GRID2: variants seen among roughly 807,000 people sequenced by gnomAD.
GRID2 encodes the protein glutamate ionotropic receptor delta type subunit 2.
Under a neutral mutation model 114.8 loss-of-function variants are expected in GRID2, and 33 were observed. That is an observed-to-expected ratio of 0.29 (90% CI 0.22 to 0.38). The LOEUF (loss-of-function observed/expected upper bound fraction) is 0.38. GRID2 is among the 10% of genes least tolerant of loss of function. GRID2 has a pLI of 1.00. For synonymous variants in GRID2, 505 were observed against 449.9 expected, an observed-to-expected ratio of 1.12 and a Z score of -1.55; for missense variants, 1,184 against 1,257.7, an observed-to-expected ratio of 0.94 and a Z score of 0.89.
At chr4:92,653,856 T>C (rs1732099410) in intron 2 of GRID2, among the ~76,000 whole-genome samples, 1 of 152,140 alleles carries the variant, frequency 6.6e-6, no homozygotes, top group Non-Finnish European at 1.5e-5. Context: ...TTGTGACATC[T>C]TATGTGGTCA....
intron 2 of GRID2, among the ~76,000 whole-genome samples, chr4:92,896,108 AT>A (rs1747145618): frequency 6.6e-6 from 1 of 152,238 alleles, no homozygotes; most frequent in Non-Finnish European, 1.5e-5. Flanking sequence ...CTATGTAAGT[AT>A]AATTGTGCTG....
intron 1 of GRID2, among the ~76,000 whole-genome samples, chr4:92,564,398 C>T (rs974614722): frequency 6.6e-6 from 1 of 151,974 alleles, no homozygotes; most frequent in East Asian, 1.9e-4. Flanking sequence ...AGAAGAAAGA[C>T]ATATAAGCAT....
At chr4:93,644,984 C>T (rs1294164337) in intron 14 of GRID2, among the ~76,000 whole-genome samples, 1 of 152,136 alleles carries the variant, frequency 6.6e-6, no homozygotes, top group East Asian at 1.9e-4. Flanking sequence ...AGATTTGTGT[C>T]TGTTTTATTC....
intron 2 of GRID2, among the ~76,000 whole-genome samples, chr4:92,926,648 T>G (rs1046168888): frequency 1.6e-4 from 25 of 151,962 alleles, no homozygotes; most frequent in African/African-American, 6.0e-4. Context: ...ATTTACACAA[T>G]GAATTTCATT....
At position 92,936,453 on chromosome 4, in the gene GRID2, A is replaced by T. The variant is rs1012312428; in HGVS notation, c.245-148542A>T. On this transcript the variant is annotated intron_variant, in intron 2 of 15. Transcript: ENST00000282020. Reference sequence around the variant, plus strand: ...TAAATAATTTTCTGTGGTTTTCAACATGATTTAATAAAAATATTCCTGAAA... The same window carrying T: ...TAAATAATTTTCTGTGGTTTTCAACTTGATTTAATAAAAATATTCCTGAAA... 4.8e-5 allele frequency among the ~76,000 whole-genome samples: 7 copies of T among 146,750 alleles called. 1 individual carries two copies. In the East Asian group the frequency reaches 1.5e-3, roughly 31 times the overall value.
intron 2 of GRID2, among the ~76,000 whole-genome samples, chr4:93,067,221 GT>G (rs1461074166): frequency 6.6e-6 from 1 of 152,010 alleles, no homozygotes; most frequent in East Asian, 1.9e-4. Context: ...GGTAGTACAT[GT>G]TTTTTGAGAT....
intron 2 of GRID2, among the ~76,000 whole-genome samples, chr4:93,017,882 C>CT (rs528393000): frequency 0.042 from 5,048 of 119,076 alleles, 187 homozygotes; most frequent in East Asian, 0.16. Flanking sequence ...AGACAGTAAG[C>CT]TTTTTTTTTT....
At chr4:93,501,015 G>C (rs1578137033) in intron 12 of GRID2, among the ~76,000 whole-genome samples, 2 of 151,868 alleles carry the variant, frequency 1.3e-5, no homozygotes, top group Admixed American at 1.3e-4. Flanking sequence ...ATTCTTGAGG[G>C]TTGTTTTATC....
intron 2 of GRID2, among the ~76,000 whole-genome samples, chr4:92,713,737 C>G (rs1189886294): frequency 6.6e-6 from 1 of 151,650 alleles, no homozygotes; most frequent in African/African-American, 2.4e-5. Flanking sequence ...AAAAATTCCC[C>G]TTTTATAAAA....
intron 1 of GRID2, among the ~76,000 whole-genome samples, chr4:92,450,760 T>C (rs1396435237): frequency 6.6e-6 from 1 of 151,168 alleles, no homozygotes; most frequent in African/African-American, 2.4e-5. Flanking sequence ...TCTGTGTCAA[T>C]CAAGTTTTTA....
intron 8 of GRID2, among the ~76,000 whole-genome samples, chr4:93,304,188 T>A (rs2149173405): frequency 7.1e-6 from 1 of 141,616 alleles, no homozygotes; most frequent in Admixed American, 7.5e-5. Context: ...TTTCGTAAAA[T>A]CTGAAATTTA....
chr4:93,748,439 A>G (rs1266186711), intron 14 of GRID2, among the ~76,000 whole-genome samples: 2 of 152,204 alleles, frequency 1.3e-5, no homozygotes, highest in Non-Finnish European at 2.9e-5. Flanking sequence ...CTGAAATAAT[A>G]GAATTTTGGA....
chr4:92,482,597 T>C (rs74414245), intron 1 of GRID2, among the ~76,000 whole-genome samples: 4,800 of 152,310 alleles, frequency 0.032, 94 homozygotes, highest in East Asian at 0.066. Context: ...AGTTACCCAA[T>C]TAAAATCTAC....
At chr4:93,085,699 T>G (rs547024608) in intron 3 of GRID2, among the ~76,000 whole-genome samples, 1 of 152,308 alleles carries the variant, frequency 6.6e-6, no homozygotes. Flanking sequence ...ATTATTTGGC[T>G]AAATGAAATC....
chr4:92,611,134 G>T (rs1056533097), intron 2 of GRID2, among the ~76,000 whole-genome samples: 14 of 137,118 alleles, frequency 1.0e-4, no homozygotes, highest in African/African-American at 4.5e-4. Flanking sequence ...GTGTGTGCAT[G>T]TGTGTGTGTG....
chr4:92,822,399 T>G (rs778241785), intron 2 of GRID2: 23 of 591,386 alleles, frequency 3.9e-5, no homozygotes, highest in Admixed American at 2.3e-4. Flanking sequence ...TTAGCCAGAT[T>G]CCGTACCTTG....
At chr4:93,722,167 C>T (rs1729435812) in intron 14 of GRID2, among the ~76,000 whole-genome samples, 1 of 152,058 alleles carries the variant, frequency 6.6e-6, no homozygotes, top group Non-Finnish European at 1.5e-5. Flanking sequence ...CTACCTGCCT[C>T]AGCCTACCAA....
chr4:92,451,299 A>G (rs1223051130), intron 1 of GRID2, among the ~76,000 whole-genome samples: 1 of 152,210 alleles, frequency 6.6e-6, no homozygotes, highest in Admixed American at 6.5e-5. Context: ...TCTAAATATT[A>G]GTGATATTAA....
At chr4:93,529,935 A>G (rs1415068776) in intron 13 of GRID2, among the ~76,000 whole-genome samples, 1 of 152,140 alleles carries the variant, frequency 6.6e-6, no homozygotes, top group African/African-American at 2.4e-5. Flanking sequence ...TTTCTTTGCA[A>G]GTTGACGCTT....
Sources: allele counts gnomAD v4.1 joint callset (sites outside exome capture counted in the v4.1 genomes callset), GRCh38; gene constraint gnomAD v4.1.1; transcripts MANE v1.5; gene names NCBI Gene and HGNC (gene_info 2026-07-23, HGNC 2026-07-21).